The following FAP variants were observed in gnomAD, a reference collection of about 807,000 sequenced individuals.
FAP encodes prolyl endopeptidase FAP.
FAP carries 110 observed loss-of-function variants against 126.5 expected under a neutral mutation model. The observed-to-expected ratio is 0.87, with a 90% CI of 0.74 to 1.02. FAP has a LOEUF of 1.02. Ranked by LOEUF, FAP falls within the 50% of genes least tolerant of loss-of-function variation. FAP has a pLI of 0.00. For synonymous variants in FAP, 334 were observed against 297.3 expected, an observed-to-expected ratio of 1.12 and a Z score of -1.27; for missense variants, 919 against 909.2, an observed-to-expected ratio of 1.01 and a Z score of -0.14.
rs566772260 is a variant in FAP, at chr2:162,220,891, C to T, written c.414-966G>A. Reference sequence around the variant, plus strand: ...CGTGGGAAAGCAGAGCAAGACCTGCCGCCCAAGCACAATTTGAAGAGCCTC... The same window carrying T: ...CGTGGGAAAGCAGAGCAAGACCTGCTGCCCAAGCACAATTTGAAGAGCCTC... On this transcript the variant is annotated intron_variant, in intron 6 of 25. Coordinates refer to ENST00000188790, the MANE Select transcript of FAP (RefSeq NM_004460.5). 1.2e-4 allele frequency among the ~76,000 whole-genome samples: 18 copies of T among 152,208 alleles called. No individual in the cohort carries two copies. In the South Asian group the frequency reaches 3.5e-3, roughly 30 times the overall value.
At chr2:162,195,751 A>G (rs547533710) in intron 16 of FAP, among the ~76,000 whole-genome samples, 1 of 152,292 alleles carries the variant, frequency 6.6e-6, no homozygotes, top group Admixed American at 6.5e-5. Context: ...TATTTGAAAT[A>G]CAGGATCAAA....
chr2:162,211,936 A>G (rs1242469516), intron 11 of FAP, among the ~76,000 whole-genome samples: 1 of 152,136 alleles, frequency 6.6e-6, no homozygotes, highest in Non-Finnish European at 1.5e-5. Context: ...CACATCAGTC[A>G]TGAGGATGGT....
chr2:162,236,469 G>A, intron 2 of FAP, among the ~76,000 whole-genome samples: 1 of 150,966 alleles, frequency 6.6e-6, no homozygotes, highest in East Asian at 1.9e-4. Context: ...TTTGTGGGAA[G>A]TTTTAAAATG....
intron 2 of FAP, among the ~76,000 whole-genome samples, chr2:162,233,140 C>T (rs548364371): frequency 2.8e-4 from 43 of 151,638 alleles, no homozygotes; most frequent in Middle Eastern, 3.4e-3. Flanking sequence ...TCTTTAAAAT[C>T]CCCACTTACA....
chr2:162,238,662 A>T (rs1443270080), intron 2 of FAP, among the ~76,000 whole-genome samples: 1 of 152,176 alleles, frequency 6.6e-6, no homozygotes, highest in Non-Finnish European at 1.5e-5. Context: ...TAAAACTCTT[A>T]AGATGTTTGA....
chr2:162,197,547 T>C, intron 16 of FAP: 1 of 456,686 alleles, frequency 2.2e-6, no homozygotes. Flanking sequence ...AAACATTTTA[T>C]GAAAGTGTTA....
intron 19 of FAP, 31 bp downstream of exon 19, chr2:162,189,072 T>C: frequency 2.2e-6 from 3 of 1,371,784 alleles, no homozygotes; most frequent in Non-Finnish European, 3.1e-6. Flanking sequence ...TTTCAGTAAA[T>C]AGTTTTTACA....
At chr2:162,173,866 T>C in intron 22 of FAP, 79 bp from the exon 23 acceptor site, 4 of 953,064 alleles carry the variant, frequency 4.2e-6, no homozygotes, top group South Asian at 2.8e-5. Flanking sequence ...TCTAGTTTAA[T>C]AACTGTTTCT....
At chr2:162,184,391 T>A (rs111357853) in intron 20 of FAP, among the ~76,000 whole-genome samples, 6 of 152,362 alleles carry the variant, frequency 3.9e-5, no homozygotes, top group African/African-American at 1.2e-4. Context: ...GTTAAAGACC[T>A]TTCTCATCAG....
intron 17 of FAP, among the ~76,000 whole-genome samples, chr2:162,190,273 T>C (rs1244975863): frequency 6.6e-6 from 1 of 152,104 alleles, no homozygotes; most frequent in Non-Finnish European, 1.5e-5. Flanking sequence ...TTTCCTGTTG[T>C]ACTTGATTAA....
At position 162,183,114 on chromosome 2, in the gene FAP, C is replaced by T. The variant is rs142783049; in HGVS notation, c.1869+300G>A. On this transcript the variant is annotated intron_variant, in intron 21 of 25. Coordinates refer to ENST00000188790, the MANE Select transcript of FAP (RefSeq NM_004460.5). Reference sequence around the variant, plus strand: ...ATATTTAACTTTAAAATAACAAAGGCAATTCACCCTCTGACGGATATGGTT... The same window carrying T: ...ATATTTAACTTTAAAATAACAAAGGTAATTCACCCTCTGACGGATATGGTT... Among the ~76,000 whole-genome samples the T allele has an allele frequency of 6.2e-4, 94 of 152,034 alleles. No individual in the cohort carries two copies. In the Middle Eastern group the frequency reaches 0.027, roughly 44 times the overall value.
chr2:162,171,548 A>G (rs920047814), intron 25 of FAP: 1 of 160,942 alleles, frequency 6.2e-6, no homozygotes, highest in Non-Finnish European at 1.4e-5. Flanking sequence ...ATGTATTCAT[A>G]TATAGCCATA....
intron 21 of FAP, among the ~76,000 whole-genome samples, chr2:162,176,981 AAAG>A (rs765265416): frequency 1.8e-4 from 27 of 152,302 alleles, no homozygotes; most frequent in South Asian, 4.1e-4. Context: ...CAGCACAACA[AAAG>A]AAGGTGTACT....
At chr2:162,194,554 T>C in intron 17 of FAP, 147 bp downstream of exon 17, 1 of 676,476 alleles carries the variant, frequency 1.5e-6, no homozygotes, top group East Asian at 2.7e-5. Context: ...AATATCCAAA[T>C]CTGTGCAATA....
At chr2:162,199,528 T>C (rs746191975) in intron 15 of FAP, among the ~76,000 whole-genome samples, 3 of 152,096 alleles carry the variant, frequency 2.0e-5, no homozygotes, top group Non-Finnish European at 2.9e-5. Context: ...CTGAGCAGGG[T>C]GATTGGCTTC....
Sources: allele counts gnomAD v4.1 joint callset (sites outside exome capture counted in the v4.1 genomes callset), GRCh38; gene constraint gnomAD v4.1.1; transcripts MANE v1.5; gene names NCBI Gene and HGNC (gene_info 2026-07-23, HGNC 2026-07-21).